SYCP2: variants seen among roughly 807,000 people sequenced by gnomAD.
SYCP2 encodes the protein synaptonemal complex protein 2.
In SYCP2, 55 loss-of-function variants were observed where a neutral mutation model predicts 211.3. That is an observed-to-expected ratio of 0.26 (90% confidence interval 0.21 to 0.33). The LOEUF (loss-of-function observed/expected upper bound fraction) is 0.33, where lower values mean the gene tolerates loss of function less well. SYCP2 is among the 10% of genes least tolerant of loss of function. The pLI, the probability that SYCP2 is intolerant of heterozygous loss-of-function variation, is 1.00. For synonymous variants in SYCP2, 570 were observed against 555.2 expected (o/e 1.03, Z -0.37); for missense variants, 1,731 against 1,752.0 (o/e 0.99, Z 0.21).
At chr20:59,922,147 C>A (rs1390424615) in intron 3 of SYCP2, among the ~76,000 whole-genome samples, 6 of 151,476 alleles carry the variant, frequency 4.0e-5, no homozygotes, top group Non-Finnish European at 8.9e-5. Flanking sequence ...GTGCATAATT[C>A]TTTTCAATGT....
intron 15 of SYCP2, among the ~76,000 whole-genome samples, chr20:59,902,238 T>C (rs554764810): frequency 1.3e-5 from 2 of 152,138 alleles, no homozygotes; most frequent in Non-Finnish European, 2.9e-5. Flanking sequence ...TGTTATAACA[T>C]GCTGACAATA....
At chr20:59,916,630 T>C (rs1178738041) in intron 7 of SYCP2, 59 bp from the exon 8 acceptor site, 2 of 1,180,532 alleles carry the variant, frequency 1.7e-6, no homozygotes, top group African/African-American at 1.5e-5. Flanking sequence ...TAACTGTCAG[T>C]CTTTTCTTAT....
rs764940384 is a variant in SYCP2 at position 59,865,404 on chromosome 20, C to T, written c.4499G>A (p.Arg1500Lys). The change falls in exon 44 of 45, where the codon AGG (arginine) becomes AAG (lysine). Residue 1500 changes from arginine (R) to lysine (K), a missense_variant. This residue lies in a region of SYCP2 where 1,387 missense variants were observed against 1,351.3 expected (regional missense o/e 1.03). Coordinates refer to ENST00000357552, the MANE Select transcript of SYCP2 (RefSeq NM_014258.4). ...TTGACTTACCATGTCCTTAAGAAGC[C>T]TGTCTTGCAGCACTTTCATATCTTC... ...MKEDMKVLQD[R>K]LLKDMLEEEL... The T allele has an allele frequency of 1.9e-5, 30 of 1,609,420 alleles. No individual in the cohort carries two copies. In the East Asian group the frequency reaches 5.8e-4, roughly 31 times the overall value.
At chr20:59,865,474 G>A (rs768516693) in intron 43 of SYCP2, 30 bp from the exon 44 acceptor site, 1 of 1,595,690 alleles carries the variant, frequency 6.3e-7, no homozygotes. Context: ...TTTCACCCAT[G>A]AAATTTACCA....
intron 15 of SYCP2, 47 bp downstream of exon 15, chr20:59,907,317 A>G (rs768185561): frequency 1.6e-6 from 2 of 1,218,384 alleles, no homozygotes; most frequent in African/African-American, 1.5e-5. Flanking sequence ...CATTTGTTCC[A>G]TATGGTAAGA....
Position 59,882,014 on chromosome 20 carries a change from A to G in SYCP2, c.2601-12T>C. The G allele has an allele frequency of 6.2e-7, 1 of 1,612,428 alleles. No homozygotes were observed. Among genetic ancestry groups the G allele is most frequent in the Non-Finnish European group, 8.5e-7 (1 of 1,178,874 alleles). On this transcript the variant is annotated splice_polypyrimidine_tract_variant and intron_variant, in intron 27 of 44. Coordinates refer to ENST00000357552, the MANE Select transcript of SYCP2 (RefSeq NM_014258.4). ...TGTAAACATCATTCCTGTGAAAATG[A>G]AGAGCAATATTAGCTCCACTTAAAT...
At chr20:59,891,560 T>A (rs540089797) in intron 24 of SYCP2, among the ~76,000 whole-genome samples, 3 of 152,000 alleles carry the variant, frequency 2.0e-5, no homozygotes, top group African/African-American at 7.2e-5. Flanking sequence ...ATGTTTGAGA[T>A]GCTACTGTGT....
intron 24 of SYCP2, among the ~76,000 whole-genome samples, chr20:59,888,935 C>A (rs79127079): frequency 6.6e-6 from 1 of 151,638 alleles, no homozygotes; most frequent in African/African-American, 2.4e-5. Context: ...AAAACATGTA[C>A]GAGAGAAAAA....
At chr20:59,871,771 T>A (rs889758817) in intron 35 of SYCP2, among the ~76,000 whole-genome samples, 1 of 151,888 alleles carries the variant, frequency 6.6e-6, no homozygotes, top group African/African-American at 2.4e-5. Context: ...CCTAATACAA[T>A]GTAAATACTC....
chr20:59,892,322 C>T lies in SYCP2; in HGVS notation c.2032G>A (p.Asp678Asn), dbSNP rs142565688. 228 of 1,609,612 alleles carry T rather than the reference C, an allele frequency of 1.4e-4. No individual in the cohort carries two copies. The African/African-American group carries it at 2.5e-3, about 18-fold the overall frequency. Residue 678 changes from aspartate (D) to asparagine (N), a missense_variant, in exon 24 of 45, where the codon GAC becomes AAC. This residue lies in a region of SYCP2 where 1,387 missense variants were observed against 1,351.3 expected (regional missense o/e 1.03). Coordinates refer to ENST00000357552, the MANE Select transcript of SYCP2 (RefSeq NM_014258.4). ...GKVKYKKEQTDHIKIDKAEVE... is the reference protein window; with the variant it reads ...GKVKYKKEQTNHIKIDKAEVE... ...TCTGCTTTATCTATTTTGATATGGTCGGTTTGTTCTTTCTTATATTTCACT... is the reference window on the plus strand; with the variant it reads ...TCTGCTTTATCTATTTTGATATGGTTGGTTTGTTCTTTCTTATATTTCACT...
At chr20:59,914,276 G>T in intron 10 of SYCP2, 25 bp from the exon 11 acceptor site, 1 of 1,388,196 alleles carries the variant, frequency 7.2e-7, no homozygotes, top group Non-Finnish European at 9.9e-7. Flanking sequence ...GTTAATGTTT[G>T]ATTTACAATT....
At position 59,912,320 on chromosome 20, in the gene SYCP2, G is replaced by T; in HGVS notation, c.876+53C>A. 4 of 712,342 alleles carry T rather than the reference G, an allele frequency of 5.6e-6. No homozygotes were observed. In the South Asian group the frequency reaches 6.9e-5, roughly 12 times the overall value. The allele number at this position is 712,342 out of a possible 1,614,324, so 44.1% of individuals were successfully genotyped here. A position where few individuals can be genotyped will look rare whatever the true frequency, so the allele number is the denominator to read the frequency against. On this transcript the variant is annotated intron_variant, in intron 13 of 44. Coordinates refer to ENST00000357552, the MANE Select transcript of SYCP2 (RefSeq NM_014258.4). Reference sequence around the variant, plus strand: ...TTCATTTTTAACTCATAATTCACTTGACTATCAAAATTCATGCAATAACTA... The same window carrying T: ...TTCATTTTTAACTCATAATTCACTTTACTATCAAAATTCATGCAATAACTA...
Position 59,900,256 on chromosome 20 carries a change from G to C in SYCP2, c.1286C>G (p.Pro429Arg). Residue 429 changes from proline (P) to arginine (R), a missense_variant, in exon 18 of 45, where the codon CCA becomes CGA. Pro to Arg is a moderately radical substitution (Grantham distance 103). Coordinates refer to ENST00000357552, the MANE Select transcript of SYCP2 (RefSeq NM_014258.4). ...QILVPESQISPVGEELVSLKE... is the reference protein window; with the variant it reads ...QILVPESQISRVGEELVSLKE... ...TAAACTAACGAGCTCTTCTCCGACT[G>C]GTGAGATTTGACTTTCTGGCACTAG... 11 of 1,608,164 alleles carry C rather than the reference G, an allele frequency of 6.8e-6. No homozygotes were observed. Among genetic ancestry groups the C allele is most frequent in the Non-Finnish European group, 6.8e-6 (8 of 1,178,372 alleles).
At chr20:59,889,365 T>G (rs1176388142) in intron 24 of SYCP2, among the ~76,000 whole-genome samples, 3 of 151,960 alleles carry the variant, frequency 2.0e-5, no homozygotes, top group Non-Finnish European at 2.9e-5. Flanking sequence ...TACTCATTTT[T>G]GGGACTAAAA....
At chr20:59,889,771 C>G (rs1472984872) in intron 24 of SYCP2, among the ~76,000 whole-genome samples, 2 of 152,004 alleles carry the variant, frequency 1.3e-5, no homozygotes, top group African/African-American at 4.8e-5. Flanking sequence ...CCTGGGAAAT[C>G]TGTGCCACTG....
intron 44 of SYCP2, among the ~76,000 whole-genome samples, chr20:59,864,758 G>C (rs970881999): frequency 4.3e-4 from 66 of 152,110 alleles, no homozygotes; most frequent in African/African-American, 1.6e-3. Context: ...TCTTGATCCT[G>C]TACTATGTCA....
intron 14 of SYCP2, among the ~76,000 whole-genome samples, chr20:59,907,675 CTG>C (rs1311064600): frequency 1.3e-5 from 2 of 152,080 alleles, no homozygotes; most frequent in Non-Finnish European, 2.9e-5. Flanking sequence ...AAAAGAATGA[CTG>C]TTAATATTAT....
intron 2 of SYCP2, among the ~76,000 whole-genome samples, chr20:59,925,321 G>A (rs901092092): frequency 6.6e-6 from 1 of 152,018 alleles, no homozygotes; most frequent in Non-Finnish European, 1.5e-5. Flanking sequence ...ATTTTCCTAT[G>A]CAACAAACCT....
At chr20:59,892,469 G>T in intron 23 of SYCP2, 43 bp from the exon 24 acceptor site, 1 of 1,457,020 alleles carries the variant, frequency 6.9e-7, no homozygotes, top group Non-Finnish European at 9.2e-7. Context: ...AAATTAATAA[G>T]TTGACATATG....
Sources: allele counts gnomAD v4.1 joint callset (sites outside exome capture counted in the v4.1 genomes callset), GRCh38; gene constraint gnomAD v4.1.1; regional missense constraint gnomAD v4.1.1; transcripts MANE v1.5; gene names NCBI Gene and HGNC (gene_info 2026-07-23, HGNC 2026-07-21).